The following PIK3C2G variants were observed in gnomAD, a reference collection of about 807,000 sequenced individuals.
PIK3C2G encodes the protein phosphatidylinositol 3-kinase C2 domain-containing subunit gamma.
A neutral mutation model predicts 181.1 loss-of-function variants in PIK3C2G; 168 were observed. The observed-to-expected ratio is 0.93, with a 90% CI of 0.82 to 1.05. The LOEUF (loss-of-function observed/expected upper bound fraction) is 1.05. Ranked by LOEUF, PIK3C2G falls within the 50% of genes least tolerant of loss-of-function variation. The pLI is 0.00. For synonymous variants in PIK3C2G, 573 were observed against 592.2 expected, an observed-to-expected ratio of 0.97 and a Z score of 0.47; for missense variants, 1,869 against 1,732.8, an observed-to-expected ratio of 1.08 and a Z score of -1.40.
chr12:18,322,436 AAAAT>A (rs1440106221), intron 7 of PIK3C2G, among the ~76,000 whole-genome samples: 4 of 151,900 alleles, frequency 2.6e-5, no homozygotes, highest in East Asian at 1.9e-4. Flanking sequence ...ATTAAGTTTA[AAAAT>A]AAATAAAAAT....
At chr12:18,501,751 T>A (rs933717579) in intron 22 of PIK3C2G, among the ~76,000 whole-genome samples, 2 of 152,194 alleles carry the variant, frequency 1.3e-5, no homozygotes, top group Admixed American at 6.5e-5. Flanking sequence ...TAGTCAGCAA[T>A]TCAAGGCTTG....
intron 18 of PIK3C2G, among the ~76,000 whole-genome samples, chr12:18,440,439 T>C (rs375516375): frequency 1.3e-5 from 2 of 151,716 alleles, no homozygotes; most frequent in South Asian, 2.1e-4. Flanking sequence ...ATAAAACAAG[T>C]AGGAAACATA....
At chr12:18,401,743 G>A (rs945992397) in intron 16 of PIK3C2G, among the ~76,000 whole-genome samples, 5 of 152,032 alleles carry the variant, frequency 3.3e-5, no homozygotes, top group Admixed American at 1.3e-4. Context: ...CACAAATGCC[G>A]AACATTTACA....
intron 31 of PIK3C2G, among the ~76,000 whole-genome samples, chr12:18,629,037 A>C (rs1949228996): frequency 6.6e-6 from 1 of 152,352 alleles, no homozygotes; most frequent in South Asian, 2.1e-4. Flanking sequence ...ATTTACATAT[A>C]TTTGACAAAA....
intron 18 of PIK3C2G, among the ~76,000 whole-genome samples, chr12:18,452,523 G>T (rs1303570298): frequency 6.6e-6 from 1 of 151,490 alleles, no homozygotes; most frequent in East Asian, 1.9e-4. Flanking sequence ...ACAGCTTCTA[G>T]ATTCATTGAT....
chr12:18,290,396 A>G (rs1251726127), intron 3 of PIK3C2G, among the ~76,000 whole-genome samples: 3 of 152,218 alleles, frequency 2.0e-5, no homozygotes, highest in Non-Finnish European at 2.9e-5. Flanking sequence ...AGAGACAAAA[A>G]TAGTGTTTAC....
intron 6 of PIK3C2G, among the ~76,000 whole-genome samples, chr12:18,319,762 C>T (rs1364473328): frequency 1.3e-5 from 2 of 152,014 alleles, no homozygotes; most frequent in Admixed American, 6.5e-5. Context: ...TTTCACTTTC[C>T]TATTTTCCCT....
chr12:18,616,690 TC>T (rs1948623094), intron 31 of PIK3C2G, among the ~76,000 whole-genome samples: 1 of 152,068 alleles, frequency 6.6e-6, no homozygotes, highest in African/African-American at 2.4e-5. Flanking sequence ...CTGCCCTTTC[TC>T]TAAATCTCCC....
At chr12:18,543,813 AT>A (rs2136262554) in intron 25 of PIK3C2G, among the ~76,000 whole-genome samples, 1 of 151,672 alleles carries the variant, frequency 6.6e-6, no homozygotes, top group South Asian at 2.1e-4. Flanking sequence ...GTGTTTTTTT[AT>A]TCATGCATTC....
rs1946316941 is a variant in PIK3C2G, at chr12:18,577,991, G to A, written c.4011+10934G>A. On this transcript the variant is annotated intron_variant, in intron 29 of 32. Transcript: ENST00000538779. ...GCCTACATTTTATACTCTCTGGCCA[G>A]GGGTGCCAAAATAGTACCTGGTAAC... 2.6e-5 allele frequency among the ~76,000 whole-genome samples: 4 copies of A among 152,132 alleles called. No homozygotes were observed. In the South Asian group the frequency reaches 8.3e-4, roughly 31 times the overall value.
chr12:18,578,293 T>TC (rs1946331363), intron 29 of PIK3C2G, among the ~76,000 whole-genome samples: 1 of 152,192 alleles, frequency 6.6e-6, no homozygotes, highest in South Asian at 2.1e-4. Flanking sequence ...TTTTATAACT[T>TC]CACACGTTGG....
At chr12:18,310,361 C>G (rs996700103) in intron 5 of PIK3C2G, among the ~76,000 whole-genome samples, 1 of 151,830 alleles carries the variant, frequency 6.6e-6, no homozygotes, top group East Asian at 1.9e-4. Context: ...TACGTAGTTA[C>G]GTTTAGTTTA....
intron 32 of PIK3C2G, among the ~76,000 whole-genome samples, chr12:18,641,998 C>T (rs1231875385): frequency 6.6e-6 from 1 of 152,190 alleles, no homozygotes; most frequent in African/African-American, 2.4e-5. Context: ...GATCCACCGC[C>T]TCAGCCTCCC....
intron 1 of PIK3C2G, among the ~76,000 whole-genome samples, chr12:18,252,095 A>C (rs1948100641): frequency 6.6e-6 from 1 of 152,196 alleles, no homozygotes; most frequent in Admixed American, 6.5e-5. Context: ...AAGCAGATCA[A>C]ATATTCCGAG....
the PIK3C2G span, chr12:18,713,013 G>A: frequency 6.2e-7 from 1 of 1,613,082 alleles, no homozygotes. Flanking sequence ...AAAATAAAAT[G>A]TTACTCCTGG....
At chr12:18,273,206 C>A (rs1948820510) in intron 1 of PIK3C2G, among the ~76,000 whole-genome samples, 5 of 152,138 alleles carry the variant, frequency 3.3e-5, no homozygotes, top group Admixed American at 3.3e-4. Flanking sequence ...ACATTATTTT[C>A]CAGCACCATT....
intron 1 of PIK3C2G, among the ~76,000 whole-genome samples, chr12:18,272,810 G>A (rs1014752248): frequency 2.0e-5 from 3 of 152,054 alleles, no homozygotes; most frequent in African/African-American, 4.8e-5. Flanking sequence ...GGACATCCTA[G>A]CTCATCGTAT....
At chr12:18,347,236 C>A (rs942217305) in intron 11 of PIK3C2G, among the ~76,000 whole-genome samples, 3 of 150,790 alleles carry the variant, frequency 2.0e-5, no homozygotes, top group Non-Finnish European at 4.4e-5. Context: ...AAAAAAAAAT[C>A]ACTCTGATCC....
intron 25 of PIK3C2G, among the ~76,000 whole-genome samples, chr12:18,545,340 C>T (rs1366756895): frequency 6.6e-6 from 1 of 151,872 alleles, no homozygotes; most frequent in Non-Finnish European, 1.5e-5. Flanking sequence ...ATTTGAACTT[C>T]AGCAAGTTAA....
Sources: gnomAD v4.1 joint callset for allele counts (sites outside exome capture counted in the v4.1 genomes callset) on GRCh38, gnomAD v4.1.1 for gene constraint, MANE v1.5 for transcripts, NCBI Gene and HGNC (gene_info 2026-07-23, HGNC 2026-07-21) for gene names.